Variants in TNNI3K observed in about 807,000 individuals in gnomAD.
The protein encoded by TNNI3K is serine/threonine-protein kinase TNNI3K.
In TNNI3K, 140 loss-of-function variants were observed where a neutral mutation model predicts 114.5. The observed-to-expected ratio is 1.22, with a 90% CI of 1.07 to 1.41. TNNI3K has a LOEUF of 1.41. Ranked by LOEUF, TNNI3K falls within the 40% of genes most tolerant of loss-of-function variation. The probability of loss-of-function intolerance (pLI) is 0.00; values close to 1 mark genes in which losing one functional copy is unlikely to be tolerated. For missense variants in TNNI3K, 1,125 were observed against 1,007.6 expected, an observed-to-expected ratio of 1.12 and a Z score of -1.58; for synonymous variants, 347 against 347.5, an observed-to-expected ratio of 1.00 and a Z score of 0.02.
chr1:74,518,578 C>T (rs897594677), intron 23 of TNNI3K, among the ~76,000 whole-genome samples: 3 of 152,124 alleles, frequency 2.0e-5, no homozygotes, highest in South Asian at 2.1e-4. Flanking sequence ...CTAATCGTGA[C>T]GAAGCTTATG....
At chr1:74,428,635 A>G (rs145273943) in intron 17 of TNNI3K, among the ~76,000 whole-genome samples, 1 of 152,204 alleles carries the variant, frequency 6.6e-6, no homozygotes, top group African/African-American at 2.4e-5. Flanking sequence ...CGGAGGTGTC[A>G]AGAATGTAGG....
chr1:74,309,091 G>A (rs1011571870), intron 5 of TNNI3K, among the ~76,000 whole-genome samples: 12 of 152,040 alleles, frequency 7.9e-5, no homozygotes, highest in African/African-American at 2.4e-4. Context: ...GAGATAGGCC[G>A]GGCGCGGTGG....
chr1:74,272,204 T>C (rs1656393468), intron 5 of TNNI3K, among the ~76,000 whole-genome samples: 1 of 151,954 alleles, frequency 6.6e-6, no homozygotes, highest in African/African-American at 2.4e-5. Flanking sequence ...CACCGGATAC[T>C]GTTTTAGATG....
chr1:74,339,815 A>T (rs1660661764), intron 7 of TNNI3K, among the ~76,000 whole-genome samples: 1 of 152,086 alleles, frequency 6.6e-6, no homozygotes, highest in Non-Finnish European at 1.5e-5. Context: ...AGAAAAAAAA[A>T]TGGTGATACA....
At chr1:74,470,603 A>G in intron 21 of TNNI3K, 1 of 400,722 alleles carries the variant, frequency 2.5e-6, no homozygotes, top group Non-Finnish European at 4.4e-6. Flanking sequence ...GGAATGAGAG[A>G]GGAATCATAA....
intron 23 of TNNI3K, among the ~76,000 whole-genome samples, chr1:74,532,960 C>T (rs1255197872): frequency 6.6e-6 from 1 of 152,124 alleles, no homozygotes; most frequent in South Asian, 2.1e-4. Context: ...ACCATAAAAG[C>T]CCTAGAATAA....
At chr1:74,339,279 G>T (rs1341925594) in intron 7 of TNNI3K, among the ~76,000 whole-genome samples, 2 of 152,110 alleles carry the variant, frequency 1.3e-5, no homozygotes, top group African/African-American at 4.8e-5. Context: ...ATAAAGTCAA[G>T]AGACGGCGTG....
chr1:74,368,557 G>T (rs183380141), intron 13 of TNNI3K, among the ~76,000 whole-genome samples: 4 of 151,922 alleles, frequency 2.6e-5, no homozygotes, highest in Admixed American at 1.3e-4. Context: ...TGGATATTTG[G>T]CTAAGCCTAT....
chr1:74,285,920 T>G lies in TNNI3K; in HGVS notation c.444+14212T>G, dbSNP rs182166316. 4.9e-4 allele frequency among the ~76,000 whole-genome samples: 75 copies of G among 152,242 alleles called. 1 individual carries two copies. The highest frequency in any genetic ancestry group is 1.7e-3 in the African/African-American group (71 of 41,542). On this transcript the variant is annotated intron_variant, in intron 5 of 24. Coordinates refer to ENST00000326637, the MANE Select transcript of TNNI3K (RefSeq NM_015978.3). ...CACAGCCTTAAAAAAATGATGACAA[T>G]TAAGTGATGTCAGCAGTATGGCAGA...
intron 11 of TNNI3K, among the ~76,000 whole-genome samples, chr1:74,363,202 A>G (rs923764563): frequency 2.6e-5 from 4 of 151,992 alleles, no homozygotes; most frequent in African/African-American, 9.7e-5. Context: ...CTTGTGGCCA[A>G]GTGTCCAGGA....
chr1:74,452,851 C>A (rs1331215526), intron 20 of TNNI3K, among the ~76,000 whole-genome samples: 1 of 152,170 alleles, frequency 6.6e-6, no homozygotes, highest in East Asian at 1.9e-4. Context: ...ACTTTCATAT[C>A]CCCAGCATGT....
At chr1:74,417,101 G>C (rs967349980) in intron 17 of TNNI3K, among the ~76,000 whole-genome samples, 1 of 151,916 alleles carries the variant, frequency 6.6e-6, no homozygotes, top group Non-Finnish European at 1.5e-5. Context: ...TTTAAAAATT[G>C]AAATTTCAGA....
chr1:74,290,758 C>G lies in TNNI3K; in HGVS notation c.444+19050C>G, dbSNP rs1273552393. 2.6e-5 allele frequency among the ~76,000 whole-genome samples: 4 copies of G among 151,568 alleles called. No individual in the cohort carries two copies. In the South Asian group the frequency reaches 8.3e-4, roughly 31 times the overall value. ...ATGAATGCATTTTCTTAAATATTCACCTTTACAGAAGTGACTACACAATTA... is the reference window on the plus strand; with the variant it reads ...ATGAATGCATTTTCTTAAATATTCAGCTTTACAGAAGTGACTACACAATTA... On this transcript the variant is annotated intron_variant, in intron 5 of 24. Coordinates refer to ENST00000326637, the MANE Select transcript of TNNI3K (RefSeq NM_015978.3).
rs866736756 is a variant in TNNI3K, at chr1:74,481,001, G to A, written c.2122-8188G>A. On this transcript the variant is annotated intron_variant, in intron 21 of 24. Transcript: ENST00000326637. ...GAAAAAAGCACAGACTAGATGCAGGGTACACATGAGTGGGAGGGAGGGGGT... is the reference window on the plus strand; with the variant it reads ...GAAAAAAGCACAGACTAGATGCAGGATACACATGAGTGGGAGGGAGGGGGT... 83 of 673,938 alleles carry A rather than the reference G, an allele frequency of 1.2e-4. No individual in the cohort carries two copies. The Middle Eastern group carries it at 6.1e-3, about 50-fold the overall frequency. The allele number at this position is 673,938 out of a possible 1,614,324, so 41.7% of individuals were successfully genotyped here. A position where few individuals can be genotyped will look rare whatever the true frequency, so the allele number is the denominator to read the frequency against.
At chr1:74,243,338 AGGGCATG>A (rs1462361729) in intron 2 of TNNI3K, among the ~76,000 whole-genome samples, 4 of 152,138 alleles carry the variant, frequency 2.6e-5, no homozygotes, top group Non-Finnish European at 1.5e-5. Context: ...TATTGTTTGG[AGGGCATG>A]GGGCAGGGAA....
intron 5 of TNNI3K, among the ~76,000 whole-genome samples, chr1:74,272,311 ATAATTTTAATTAG>A: frequency 6.6e-6 from 1 of 152,078 alleles, no homozygotes. Flanking sequence ...AAAATATTAC[ATAATTTTAATTAG>A]TAGTGAGTAC....
At chr1:74,434,397 C>G (rs539479300) in intron 17 of TNNI3K, among the ~76,000 whole-genome samples, 1 of 152,124 alleles carries the variant, frequency 6.6e-6, no homozygotes, top group African/African-American at 2.4e-5. Flanking sequence ...AGCCTCATCT[C>G]CTTTACACTA....
At chr1:74,402,313 T>G (rs1011811403) in intron 17 of TNNI3K, among the ~76,000 whole-genome samples, 1 of 152,156 alleles carries the variant, frequency 6.6e-6, no homozygotes, top group Non-Finnish European at 1.5e-5. Flanking sequence ...TCCTCAGGAA[T>G]AGTTATGTAG....
At chr1:74,515,130 A>G (rs563108292) in intron 23 of TNNI3K, among the ~76,000 whole-genome samples, 1 of 152,298 alleles carries the variant, frequency 6.6e-6, no homozygotes, top group Non-Finnish European at 1.5e-5. Flanking sequence ...TTGACTCTGG[A>G]CTTTTAACCT....
Sources: allele counts gnomAD v4.1 joint callset (sites outside exome capture counted in the v4.1 genomes callset), GRCh38; gene constraint gnomAD v4.1.1; transcripts MANE v1.5; gene names NCBI Gene and HGNC (gene_info 2026-07-23, HGNC 2026-07-21).